The following GRID1 variants were observed in gnomAD, a reference collection of about 807,000 sequenced individuals.
GRID1 encodes the protein glutamate ionotropic receptor delta type subunit 1.
A neutral mutation model predicts 98.0 loss-of-function variants in GRID1; 28 were observed. That is an observed-to-expected ratio of 0.29 (90% confidence interval 0.21 to 0.39). The LOEUF (loss-of-function observed/expected upper bound fraction) is 0.39. Among genes scored for constraint, GRID1 ranks in the 10% least tolerant of loss-of-function variants. The probability of loss-of-function intolerance (pLI) is 1.00; values close to 1 mark genes in which losing one functional copy is unlikely to be tolerated. For synonymous variants in GRID1, 553 were observed against 538.5 expected (o/e 1.03, Z -0.37); for missense variants, 1,111 against 1,340.5 (o/e 0.83, Z 2.67).
intron 8 of GRID1, among the ~76,000 whole-genome samples, chr10:85,828,577 G>T (rs919544196): frequency 1.3e-5 from 2 of 151,592 alleles, no homozygotes; most frequent in African/African-American, 4.8e-5. Flanking sequence ...AGAGAGAAGA[G>T]CCAAATAAAC....
chr10:86,241,856 T>C (rs1375476748), intron 2 of GRID1, among the ~76,000 whole-genome samples: 2 of 152,062 alleles, frequency 1.3e-5, no homozygotes, highest in Admixed American at 1.3e-4. Context: ...CCCAGCCTGG[T>C]CAGAGCCCCG....
chr10:86,242,352 G>T (rs1370957668), intron 2 of GRID1, among the ~76,000 whole-genome samples: 1 of 152,206 alleles, frequency 6.6e-6, no homozygotes, highest in African/African-American at 2.4e-5. Context: ...TATGGAGGAA[G>T]AGGGAGACTG....
chr10:85,993,865 C>T (rs758035921), intron 4 of GRID1, among the ~76,000 whole-genome samples: 22 of 151,592 alleles, frequency 1.5e-4, no homozygotes, highest in Admixed American at 5.3e-4. Context: ...GCCAGGGACC[C>T]CTTTCCGTCT....
chr10:85,800,158 T>C (rs1842562540), intron 8 of GRID1, among the ~76,000 whole-genome samples: 1 of 124,104 alleles, frequency 8.1e-6, no homozygotes, highest in Admixed American at 7.6e-5. Flanking sequence ...CATATAGAAT[T>C]ACAAAAAAAA....
At chr10:86,345,192 T>C (rs935260750) in intron 2 of GRID1, among the ~76,000 whole-genome samples, 1 of 152,236 alleles carries the variant, frequency 6.6e-6, no homozygotes, top group Admixed American at 6.5e-5. Context: ...CATGTCTGCA[T>C]GGAGGGGCCT....
chr10:85,760,885 C>T (rs1842141127), intron 8 of GRID1, among the ~76,000 whole-genome samples: 1 of 152,118 alleles, frequency 6.6e-6, no homozygotes, highest in African/African-American at 2.4e-5. Flanking sequence ...CCCAAAGCAC[C>T]AAGATTCTCA....
intron 4 of GRID1, among the ~76,000 whole-genome samples, chr10:86,090,284 G>A (rs1443492415): frequency 6.6e-6 from 1 of 151,662 alleles, no homozygotes; most frequent in Admixed American, 6.6e-5. Context: ...AAAAATAGTG[G>A]GCATGGTGGT....
intron 13 of GRID1, among the ~76,000 whole-genome samples, chr10:85,634,998 GAAAAAAAAAAAA>G (rs140144576): frequency 1.3e-3 from 45 of 35,000 alleles, no homozygotes; most frequent in Admixed American, 1.5e-3. Flanking sequence ...GAGGAAATCT[GAAAAAAAAAAAA>G]AAAAAAAAAA....
intron 4 of GRID1, among the ~76,000 whole-genome samples, chr10:85,922,652 A>C (rs1841721200): frequency 6.6e-6 from 1 of 152,196 alleles, no homozygotes; most frequent in African/African-American, 2.4e-5. Flanking sequence ...GTCATTTAGG[A>C]ACAATGCTCT....
intron 4 of GRID1, among the ~76,000 whole-genome samples, chr10:85,994,785 C>G (rs1477411303): frequency 6.6e-6 from 1 of 152,188 alleles, no homozygotes; most frequent in Non-Finnish European, 1.5e-5. Flanking sequence ...TTTACAGAGA[C>G]AGCCTACTAT....
At chr10:85,945,970 T>C (rs1842048988) in intron 4 of GRID1, among the ~76,000 whole-genome samples, 1 of 152,260 alleles carries the variant, frequency 6.6e-6, no homozygotes, top group Non-Finnish European at 1.5e-5. Flanking sequence ...TACTTTCTTA[T>C]GAATTGTTAA....
chr10:85,898,139 C>A (rs1028955889), intron 5 of GRID1, among the ~76,000 whole-genome samples: 1 of 152,196 alleles, frequency 6.6e-6, no homozygotes, highest in Non-Finnish European at 1.5e-5. Flanking sequence ...CAGCATGTTA[C>A]CGTACTGACT....
chr10:86,033,592 C>T (rs1843215894), intron 4 of GRID1, among the ~76,000 whole-genome samples: 1 of 152,180 alleles, frequency 6.6e-6, no homozygotes, highest in Admixed American at 6.5e-5. Context: ...ATAAGACAGC[C>T]CCAAGGAACA....
intron 8 of GRID1, among the ~76,000 whole-genome samples, chr10:85,783,419 CCTT>C (rs1282934229): frequency 6.6e-6 from 1 of 152,182 alleles, no homozygotes; most frequent in Admixed American, 6.5e-5. Context: ...GACCTCTCAT[CCTT>C]CATGTAATCC....
In GRID1 at chr10:86,198,725, C is replaced by A. The variant is rs532619293; in HGVS notation, c.520+7639G>T. Among the ~76,000 whole-genome samples, 3 of 152,270 alleles carry A rather than the reference C, an allele frequency of 2.0e-5. No individual in the cohort carries two copies. The South Asian group carries it at 6.2e-4, about 32-fold the overall frequency. Reference sequence around the variant, plus strand: ...ACTGCTCTGGAGCCCATGCCCCTAACTATTAAACGCAAAGGTTATCCTGAG... The same window carrying A: ...ACTGCTCTGGAGCCCATGCCCCTAAATATTAAACGCAAAGGTTATCCTGAG... On this transcript the variant is annotated intron_variant, in intron 3 of 15. Transcript: ENST00000327946.
At position 86,337,834 on chromosome 10, in the gene GRID1, A is replaced by C. The variant is rs1262878808; in HGVS notation, c.235+26107T>G. On this transcript the variant is annotated intron_variant, in intron 2 of 15. Transcript: ENST00000327946. ...GTGATTCTCCTGCCTCAGCCTCCCG[A>C]GTAGCTGGGATTACAGGCGCCCGCC... Among the ~76,000 whole-genome samples the C allele has an allele frequency of 5.4e-5, 8 of 148,306 alleles. No individual in the cohort carries two copies. In the Admixed American group the frequency reaches 5.4e-4, roughly 10 times the overall value.
chr10:86,312,596 G>A (rs569023899), intron 2 of GRID1, among the ~76,000 whole-genome samples: 3 of 152,378 alleles, frequency 2.0e-5, no homozygotes, highest in Admixed American at 6.5e-5. Flanking sequence ...GGAAGGTTCC[G>A]ATCTTGGTTC....
chr10:85,757,129 G>C (rs1359085014), intron 8 of GRID1, among the ~76,000 whole-genome samples: 7 of 152,144 alleles, frequency 4.6e-5, no homozygotes, highest in Admixed American at 6.5e-5. Context: ...GGGGCGGCAG[G>C]GTTCACCCAC....
chr10:85,622,526 C>T (rs1842869771), intron 13 of GRID1, among the ~76,000 whole-genome samples: 1 of 152,182 alleles, frequency 6.6e-6, no homozygotes, highest in African/African-American at 2.4e-5. Flanking sequence ...CAGGTTCACG[C>T]CACTATGCCA....
Sources: gnomAD v4.1 joint callset for allele counts (sites outside exome capture counted in the v4.1 genomes callset) on GRCh38, gnomAD v4.1.1 for gene constraint, MANE v1.5 for transcripts, NCBI Gene and HGNC (gene_info 2026-07-23, HGNC 2026-07-21) for gene names.